SORCS1: variants seen among roughly 807,000 people sequenced by gnomAD.
SORCS1 encodes the protein sortilin related VPS10 domain containing receptor 1, also known as VPS10 domain-containing receptor SorCS1.
In SORCS1, 60 loss-of-function variants were observed where a neutral mutation model predicts 146.1. That is an observed-to-expected ratio of 0.41 (90% CI 0.33 to 0.51). The LOEUF (loss-of-function observed/expected upper bound fraction) is 0.51, where lower values mean the gene tolerates loss of function less well. Among genes scored for constraint, SORCS1 ranks in the 20% least tolerant of loss-of-function variants. The probability of loss-of-function intolerance (pLI) is 0.21; values close to 1 mark genes in which losing one functional copy is unlikely to be tolerated. For missense variants in SORCS1, 1,352 were observed against 1,487.6 expected (o/e 0.91, Z 1.50); for synonymous variants, 637 against 584.0 (o/e 1.09, Z -1.31).
chr10:106,620,811 TAA>T (rs5787679), intron 19 of SORCS1, among the ~76,000 whole-genome samples: 1 of 151,594 alleles, frequency 6.6e-6, no homozygotes, highest in East Asian at 1.9e-4. Flanking sequence ...GTGTAAAAGT[TAA>T]AAAAAAATTA....
chr10:106,684,646 A>AT (rs1187214922), intron 10 of SORCS1, among the ~76,000 whole-genome samples: 1 of 152,198 alleles, frequency 6.6e-6, no homozygotes, highest in African/African-American at 2.4e-5. Context: ...TATAGCATAG[A>AT]TTTTTACCAG....
intron 5 of SORCS1, among the ~76,000 whole-genome samples, chr10:106,755,288 A>G (rs1245104120): frequency 6.6e-6 from 1 of 152,248 alleles, no homozygotes; most frequent in Non-Finnish European, 1.5e-5. Context: ...AGAAGGGAGT[A>G]AGTCTTGAAT....
At chr10:106,928,902 AATAT>A (rs986373016) in intron 2 of SORCS1, among the ~76,000 whole-genome samples, 35 of 114,024 alleles carry the variant, frequency 3.1e-4, no homozygotes, top group African/African-American at 9.0e-4. Flanking sequence ...TTTTAGTGAA[AATAT>A]ATATACCTAT....
At chr10:106,878,620 G>GTATATATATATATATATATATATA (rs3982430) in intron 2 of SORCS1, among the ~76,000 whole-genome samples, 172 of 84,858 alleles carry the variant, frequency 2.0e-3, no homozygotes, top group African/African-American at 3.4e-3. Flanking sequence ...AAACTACCTA[G>GTATATATATATATATATATATATA]TATATATATA....
At chr10:106,880,637 G>T (rs997921744) in intron 2 of SORCS1, among the ~76,000 whole-genome samples, 2 of 152,118 alleles carry the variant, frequency 1.3e-5, no homozygotes, top group Non-Finnish European at 2.9e-5. Flanking sequence ...TTAGGTAAGG[G>T]AATTATATGA....
At chr10:106,988,107 T>G (rs1276569203) in intron 1 of SORCS1, among the ~76,000 whole-genome samples, 1 of 152,192 alleles carries the variant, frequency 6.6e-6, no homozygotes, top group Non-Finnish European at 1.5e-5. Flanking sequence ...TTTTCTGTAT[T>G]GTGACCAATT....
chr10:106,601,506 A>C (rs1846238992), intron 23 of SORCS1, among the ~76,000 whole-genome samples: 1 of 152,232 alleles, frequency 6.6e-6, no homozygotes, highest in Non-Finnish European at 1.5e-5. Flanking sequence ...TTCGAATTTT[A>C]GGAAAGCTAT....
At chr10:106,871,424 A>T (rs1950403450) in intron 2 of SORCS1, among the ~76,000 whole-genome samples, 1 of 152,238 alleles carries the variant, frequency 6.6e-6, no homozygotes, top group Non-Finnish European at 1.5e-5. Context: ...TCATTCTACC[A>T]TAAAGACACA....
intron 3 of SORCS1, among the ~76,000 whole-genome samples, chr10:106,790,673 T>C (rs1190568607): frequency 6.6e-6 from 1 of 152,194 alleles, no homozygotes; most frequent in South Asian, 2.1e-4. Flanking sequence ...TCTATGTTTA[T>C]CCAAAACGAC....
At chr10:106,938,907 CA>C (rs1953888394) in intron 2 of SORCS1, among the ~76,000 whole-genome samples, 1 of 152,130 alleles carries the variant, frequency 6.6e-6, no homozygotes, top group African/African-American at 2.4e-5. Flanking sequence ...TGCTGCCTAG[CA>C]AAAGTATAGT....
chr10:106,986,937 A>C (rs913653463), intron 1 of SORCS1, among the ~76,000 whole-genome samples: 1 of 152,344 alleles, frequency 6.6e-6, no homozygotes, highest in East Asian at 1.9e-4. Context: ...AGCTCTAACA[A>C]CTGGGCTATC....
chr10:106,983,481 T>G (rs931556835), intron 1 of SORCS1, among the ~76,000 whole-genome samples: 1 of 152,098 alleles, frequency 6.6e-6, no homozygotes. Flanking sequence ...ATTCTTCTCT[T>G]TCCACAGGAC....
intron 2 of SORCS1, among the ~76,000 whole-genome samples, chr10:106,886,713 T>C (rs1249951229): frequency 6.6e-6 from 1 of 152,240 alleles, no homozygotes; most frequent in Non-Finnish European, 1.5e-5. Context: ...AGAAAAGCTA[T>C]GCAGCAGATC....
Position 106,573,770 on chromosome 10 carries a change from A to C in SORCS1, c.*3650T>G, listed in dbSNP as rs564697102. 3.9e-5 allele frequency: 6 copies of C among 152,510 alleles called. No individual in the cohort carries two copies. The highest frequency in any genetic ancestry group is 5.9e-5 in the Non-Finnish European group (4 of 68,032). 9.4% of individuals were successfully genotyped at this position (152,510 alleles called of 1,614,324 possible). A position where few individuals can be genotyped will look rare whatever the true frequency, so the allele number is the denominator to read the frequency against. ...TCTGCCTTGTTAGTAAAAAACAGCCAAAAACCTCAAGCCTGTGGTGTTTAC... is the reference window on the plus strand; with the variant it reads ...TCTGCCTTGTTAGTAAAAAACAGCCCAAAACCTCAAGCCTGTGGTGTTTAC... On this transcript the variant is annotated 3_prime_UTR_variant, in exon 26 of 26. Coordinates refer to ENST00000263054, the MANE Select transcript of SORCS1 (RefSeq NM_052918.5).
At chr10:107,177,130 T>C in the SORCS1 span, among the ~76,000 whole-genome samples, 1 of 152,182 alleles carries the variant, frequency 6.6e-6, no homozygotes, top group Non-Finnish European at 1.5e-5. Flanking sequence ...AAAATCGACT[T>C]TGTATATTAA....
intron 1 of SORCS1, among the ~76,000 whole-genome samples, chr10:107,147,765 A>G (rs1968454241): frequency 6.6e-6 from 1 of 152,174 alleles, no homozygotes; most frequent in Non-Finnish European, 1.5e-5. Flanking sequence ...TATGTGCCAA[A>G]TACTGGCATA....
At chr10:106,586,514 G>C (rs537885741) in intron 24 of SORCS1, among the ~76,000 whole-genome samples, 1 of 151,976 alleles carries the variant, frequency 6.6e-6, no homozygotes, top group South Asian at 2.1e-4. Flanking sequence ...CTGTTCATCT[G>C]ACTGTTCCTT....
Position 106,579,414 on chromosome 10 carries a change from A to G in SORCS1, c.3326T>C (p.Val1109Ala). The stretch of plus-strand genomic sequence containing the variant: ...GAACACTGCCAGCCCCACAAACACC[A>G]CTGAGAGCAGCATCAGCATGGCAGA... ...SGSAMLMLLSVVFVGLAVFVI... is the reference protein window; with the variant it reads ...SGSAMLMLLSAVFVGLAVFVI... The change falls in exon 25 of 26, where the codon GTG becomes GCG. Residue 1109 changes from valine (V) to alanine (A), a missense_variant. Coordinates refer to ENST00000263054, the MANE Select transcript of SORCS1 (RefSeq NM_052918.5). The G allele has an allele frequency of 6.2e-7, 1 of 1,613,896 alleles. No homozygotes were observed. The highest frequency in any genetic ancestry group is 8.5e-7 in the Non-Finnish European group (1 of 1,179,968).
chr10:107,166,647 A>G (rs1003294154), upstream of SORCS1, among the ~76,000 whole-genome samples: 2 of 152,214 alleles, frequency 1.3e-5, no homozygotes, highest in Non-Finnish European at 2.9e-5. Context: ...CCAGAGCGGT[A>G]GTTTTTTCTT....
Sources: allele counts gnomAD v4.1 joint callset (sites outside exome capture counted in the v4.1 genomes callset), GRCh38; gene constraint gnomAD v4.1.1; transcripts MANE v1.5; gene names NCBI Gene and HGNC (gene_info 2026-07-23, HGNC 2026-07-21).